The following SLCO3A1 variants were observed in gnomAD, a reference collection of about 807,000 sequenced individuals.
The protein encoded by SLCO3A1 is solute carrier organic anion transporter family member 3A1, also known as PGE1 transporter.
In SLCO3A1, 27 loss-of-function variants were observed where a neutral mutation model predicts 63.1. That is an observed-to-expected ratio of 0.43 (90% CI 0.32 to 0.59). The LOEUF is 0.59. Among genes scored for constraint, SLCO3A1 ranks in the 20% least tolerant of loss-of-function variants. SLCO3A1 has a pLI of 0.09. For missense variants in SLCO3A1, 773 were observed against 945.8 expected (o/e 0.82, Z 2.40); for synonymous variants, 473 against 409.9 (o/e 1.15, Z -1.86).
At chr15:92,043,073 C>T (rs1467648713) in intron 2 of SLCO3A1, among the ~76,000 whole-genome samples, 1 of 152,078 alleles carries the variant, frequency 6.6e-6, no homozygotes, top group Non-Finnish European at 1.5e-5. Context: ...GCTGTTTGAT[C>T]TGCCAAGAGT....
chr15:92,152,951 T>G (rs1487696967), intron 9 of SLCO3A1, among the ~76,000 whole-genome samples: 1 of 152,204 alleles, frequency 6.6e-6, no homozygotes, highest in African/African-American at 2.4e-5. Context: ...AGAACATTTT[T>G]TTGATAGCAC....
intron 2 of SLCO3A1, among the ~76,000 whole-genome samples, chr15:91,987,948 C>T (rs1179295233): frequency 6.6e-6 from 1 of 151,964 alleles, no homozygotes; most frequent in East Asian, 1.9e-4. Flanking sequence ...GATTTGCCGG[C>T]AAAGGATTAA....
intron 2 of SLCO3A1, among the ~76,000 whole-genome samples, chr15:91,983,035 G>A (rs2046007089): frequency 6.6e-6 from 1 of 152,236 alleles, no homozygotes; most frequent in Non-Finnish European, 1.5e-5. Flanking sequence ...CATCCAAAGT[G>A]GATGATCCTC....
intron 7 of SLCO3A1, 52 bp from the exon 8 acceptor site, chr15:92,146,932 T>G: frequency 1.3e-6 from 2 of 1,531,960 alleles, no homozygotes; most frequent in Non-Finnish European, 8.8e-7. Flanking sequence ...TGGCTTTGCC[T>G]TTGGAAACCG....
chr15:92,036,764 T>C (rs1304013775), intron 2 of SLCO3A1, among the ~76,000 whole-genome samples: 1 of 152,198 alleles, frequency 6.6e-6, no homozygotes, highest in Non-Finnish European at 1.5e-5. Context: ...CTTAATTTCT[T>C]ACCTTATACT....
chr15:92,106,877 C>A (rs1357646619), intron 4 of SLCO3A1, among the ~76,000 whole-genome samples: 1 of 152,188 alleles, frequency 6.6e-6, no homozygotes. Flanking sequence ...AAGTCTTGAG[C>A]CCTGCTATGG....
At chr15:92,159,921 A>C (rs551177918) in intron 9 of SLCO3A1, among the ~76,000 whole-genome samples, 1 of 152,132 alleles carries the variant, frequency 6.6e-6, no homozygotes, top group Non-Finnish European at 1.5e-5. Flanking sequence ...TTATGTTGCA[A>C]ATTTCCTTTG....
chr15:91,931,365 G>A lies in SLCO3A1; in HGVS notation c.646+14907G>A, dbSNP rs116096511. 9.1e-3 allele frequency among the ~76,000 whole-genome samples: 1,388 copies of A among 152,236 alleles called. 8 individuals carry two copies. The highest frequency in any genetic ancestry group is 0.032 in the African/African-American group (1,328 of 41,550). ...GGATGAAGCATTTTCAGAATTTGCC[G>A]AGGTTCACAGCTGAGGAGAGGGGCC... is the stretch of plus-strand genomic sequence containing the variant. On this transcript the variant is annotated intron_variant, in intron 2 of 9. Coordinates refer to ENST00000318445, the MANE Select transcript of SLCO3A1 (RefSeq NM_013272.4).
At chr15:92,009,470 C>T (rs1411991279) in intron 2 of SLCO3A1, among the ~76,000 whole-genome samples, 2 of 152,164 alleles carry the variant, frequency 1.3e-5, no homozygotes, top group African/African-American at 4.8e-5. Context: ...TCGAGAATGT[C>T]TCCAGCACGG....
In SLCO3A1 at chr15:91,854,454, G is replaced by T; in HGVS notation, c.180+366G>T. The T allele has an allele frequency of 1.1e-6, 1 of 878,912 alleles. No homozygotes were observed. The highest frequency in any genetic ancestry group is 1.4e-6 in the Non-Finnish European group (1 of 725,502). 54.4% of individuals were successfully genotyped at this position (878,912 alleles called of 1,614,324 possible). A position where few individuals can be genotyped will look rare whatever the true frequency, so the allele number is the denominator to read the frequency against. ...TTGGAGAGGAACGAAAAAGCGTCGGGGTTTTCAGGTGACCTGCACATGGGA... is the reference window on the plus strand; with the variant it reads ...TTGGAGAGGAACGAAAAAGCGTCGGTGTTTTCAGGTGACCTGCACATGGGA... On this transcript the variant is annotated intron_variant, in intron 1 of 9. Transcript: ENST00000318445. This position sits in a 1 kb window ranked among gnomAD's most constrained non-coding sequence, Gnocchi z 6.4.
chr15:91,986,866 T>A (rs1046865610), intron 2 of SLCO3A1, among the ~76,000 whole-genome samples: 2 of 152,234 alleles, frequency 1.3e-5, no homozygotes, highest in African/African-American at 4.8e-5. Context: ...GAATTTAAAC[T>A]TTTAATGTCA....
At chr15:91,939,371 C>G (rs908565482) in intron 2 of SLCO3A1, among the ~76,000 whole-genome samples, 4 of 152,174 alleles carry the variant, frequency 2.6e-5, no homozygotes, top group Admixed American at 2.6e-4. Context: ...CCGCCAGGCC[C>G]CACTTCCAAC....
At chr15:91,946,755 T>G (rs569305023) in intron 2 of SLCO3A1, among the ~76,000 whole-genome samples, 1 of 152,284 alleles carries the variant, frequency 6.6e-6, no homozygotes, top group South Asian at 2.1e-4. Context: ...GAACCCCCAG[T>G]TCCCAGTTTA....
intron 9 of SLCO3A1, among the ~76,000 whole-genome samples, chr15:92,151,647 G>C (rs2048307492): frequency 6.6e-6 from 1 of 152,186 alleles, no homozygotes; most frequent in Non-Finnish European, 1.5e-5. Context: ...GCTGGGCCTG[G>C]TTCCCAGCTA....
chr15:92,077,868 C>G (rs576183974), intron 2 of SLCO3A1, among the ~76,000 whole-genome samples: 17 of 152,176 alleles, frequency 1.1e-4, no homozygotes, highest in Middle Eastern at 3.2e-3. Context: ...GCCATTTCCC[C>G]TTTCTGAGTG....
intron 2 of SLCO3A1, among the ~76,000 whole-genome samples, chr15:91,991,216 A>G (rs2046122056): frequency 6.6e-6 from 1 of 152,116 alleles, no homozygotes; most frequent in African/African-American, 2.4e-5. Context: ...CAAAAAAATC[A>G]AAAAATTAGG....
intron 2 of SLCO3A1, among the ~76,000 whole-genome samples, chr15:91,996,659 T>A (rs1025379331): frequency 1.3e-5 from 2 of 152,140 alleles, no homozygotes; most frequent in Non-Finnish European, 2.9e-5. Flanking sequence ...ATAGATGTTA[T>A]TTGAACTGCC....
chr15:92,109,816 T>C (rs1014186212), intron 4 of SLCO3A1, among the ~76,000 whole-genome samples: 27 of 152,018 alleles, frequency 1.8e-4, no homozygotes, highest in Admixed American at 1.8e-3. Context: ...GGGGTGGTTA[T>C]GTTACTTACC....
At chr15:92,058,739 A>G (rs2047051340) in intron 2 of SLCO3A1, among the ~76,000 whole-genome samples, 1 of 152,188 alleles carries the variant, frequency 6.6e-6, no homozygotes. Flanking sequence ...CCTAGAAGCC[A>G]GAACTCCACG....
Sources: allele counts gnomAD v4.1 joint callset (sites outside exome capture counted in the v4.1 genomes callset), GRCh38; gene constraint gnomAD v4.1.1; non-coding constraint Gnocchi (gnomAD v3.1); transcripts MANE v1.5; gene names NCBI Gene and HGNC (gene_info 2026-07-23, HGNC 2026-07-21).